TCF4: variants seen among roughly 807,000 people sequenced by gnomAD.
TCF4 encodes transcription factor 4, also known as SL3-3 enhancer factor 2.
A neutral mutation model predicts 82.1 loss-of-function variants in TCF4; 3 were observed. The observed-to-expected ratio is 0.04, with a 90% CI of 0.02 to 0.09. The LOEUF (loss-of-function observed/expected upper bound fraction) is 0.09. Ranked by LOEUF, TCF4 falls within the 10% of genes least tolerant of loss-of-function variation. The pLI is 1.00. For missense variants in TCF4, 518 were observed against 852.7 expected (o/e 0.61, Z 4.89); for synonymous variants, 276 against 309.6 (o/e 0.89, Z 1.14).
At chr18:55,286,126 AC>A (rs1203261534) in intron 8 of TCF4, among the ~76,000 whole-genome samples, 1 of 152,196 alleles carries the variant, frequency 6.6e-6, no homozygotes, top group Non-Finnish European at 1.5e-5. Context: ...AGTGTTTTTG[AC>A]AAACGAATTA....
chr18:55,460,323 C>G (rs1303041356), intron 5 of TCF4, among the ~76,000 whole-genome samples: 2 of 151,888 alleles, frequency 1.3e-5, no homozygotes, highest in Non-Finnish European at 2.9e-5. Context: ...TAGGAATCAT[C>G]TTTTCATTGC....
upstream of TCF4, among the ~76,000 whole-genome samples, chr18:55,590,296 G>T (rs1037822737): frequency 1.3e-5 from 2 of 152,182 alleles, no homozygotes; most frequent in Admixed American, 6.5e-5. Context: ...AGGCCTCTGG[G>T]CCAAGTTGGT....
chr18:55,463,948 CTGTGTGTG>C lies in TCF4; in HGVS notation c.207+120_207+127del, dbSNP rs151196106. 5,549 of 700,628 alleles carry C rather than the reference CTGTGTGTG, an allele frequency of 7.9e-3. 44 individuals are homozygous for C. Among genetic ancestry groups the C allele is most frequent in the African/African-American group, 0.042 (2,226 of 53,346 alleles). The allele number at this position is 700,628 out of a possible 1,614,324, so 43.4% of individuals were successfully genotyped here. On this transcript the variant is annotated intron_variant, in intron 4 of 19. Coordinates refer to ENST00000354452, the MANE Select transcript of TCF4 (RefSeq NM_001083962.2). Reference sequence around the variant, plus strand: ...TGTGTGCGTGTGCATGCCCATGCCTCTGTGTGTGTGTGTGTGTGTGTGTGTGTGTGAGA... The same window carrying C: ...TGTGTGCGTGTGCATGCCCATGCCTCTGTGTGTGTGTGTGTGTGTGTGAGA...
chr18:55,243,766 T>C (rs2145066162), intron 15 of TCF4, among the ~76,000 whole-genome samples: 1 of 152,182 alleles, frequency 6.6e-6, no homozygotes, highest in South Asian at 2.1e-4. Context: ...GAGGGCAGAG[T>C]GTCCCATTTA....
At chr18:55,478,454 C>T (rs1401528607) in intron 3 of TCF4, among the ~76,000 whole-genome samples, 1 of 152,170 alleles carries the variant, frequency 6.6e-6, no homozygotes, top group Admixed American at 6.5e-5. Context: ...ATTCCTTCTG[C>T]TTTACTCAAG....
chr18:55,538,665 T>C (rs573194145), intron 3 of TCF4, among the ~76,000 whole-genome samples: 4 of 152,268 alleles, frequency 2.6e-5, no homozygotes. Context: ...ACCCTAAATA[T>C]TCAATTCAAA....
chr18:55,449,206 G>GT (rs200167664), intron 5 of TCF4, among the ~76,000 whole-genome samples: 10 of 151,144 alleles, frequency 6.6e-5, no homozygotes, highest in Non-Finnish European at 8.9e-5. Context: ...ACCAGGTTGG[G>GT]TTTTTTTTTC....
At chr18:55,273,503 T>C (rs978448318) in intron 10 of TCF4, among the ~76,000 whole-genome samples, 2 of 152,174 alleles carry the variant, frequency 1.3e-5, no homozygotes, top group Non-Finnish European at 2.9e-5. Context: ...TGTCAGATTC[T>C]TCTAAGTCAC....
At chr18:55,459,070 G>A (rs2095823476) in intron 5 of TCF4, among the ~76,000 whole-genome samples, 1 of 152,160 alleles carries the variant, frequency 6.6e-6, no homozygotes, top group South Asian at 2.1e-4. Context: ...AACAGTGGGT[G>A]GGGGCCTCGT....
At chr18:55,611,942 T>C (rs78900816) in intron 2 of TCF4, among the ~76,000 whole-genome samples, 1 of 152,056 alleles carries the variant, frequency 6.6e-6, no homozygotes, top group East Asian at 1.9e-4. Flanking sequence ...CTCATTTTTT[T>C]GTATTTTTAG....
intron 3 of TCF4, among the ~76,000 whole-genome samples, chr18:55,502,787 T>C (rs2096714620): frequency 6.6e-6 from 1 of 152,218 alleles, no homozygotes; most frequent in Non-Finnish European, 1.5e-5. Flanking sequence ...AGTTAAGGAA[T>C]TAGCTAATTC....
At chr18:55,290,856 A>G (rs2064911709) in intron 8 of TCF4, among the ~76,000 whole-genome samples, 1 of 152,200 alleles carries the variant, frequency 6.6e-6, no homozygotes, top group Admixed American at 6.5e-5. Flanking sequence ...ATAAAATGAT[A>G]ATAATAATAC....
Position 55,257,382 on chromosome 18 carries a change from G to GCTGTGC in TCF4, c.1073_1078dup (p.Gly358_Thr359dup). 1 of 1,613,674 alleles carries GCTGTGC rather than the reference G, an allele frequency of 6.2e-7. No homozygotes were observed. The highest frequency in any genetic ancestry group is 1.7e-4 in the Middle Eastern group (1 of 6,058). ...CTGTCCTCCATTTCTAGACCAAACAGCTGTGCCTGCTGATATTAAAGTGGG... is the reference window on the plus strand; with the variant it reads ...CTGTCCTCCATTTCTAGACCAAACAGCTGTGCCTGTGCCTGCTGATATTAAAGTGGG... On this transcript the variant is annotated inframe_insertion, in exon 14 of 20. Transcript: ENST00000354452.
intron 3 of TCF4, among the ~76,000 whole-genome samples, chr18:55,528,462 C>A (rs1475875060): frequency 6.6e-6 from 1 of 152,150 alleles, no homozygotes; most frequent in Admixed American, 6.6e-5. Context: ...TTTAACTGAA[C>A]CTTTGTTCAT....
chr18:55,624,576 TAAA>T (rs35159003), intron 2 of TCF4, among the ~76,000 whole-genome samples: 3 of 137,150 alleles, frequency 2.2e-5, no homozygotes, highest in African/African-American at 2.7e-5. Flanking sequence ...AGACCCAGAT[TAAA>T]AAAAAAAAAA....
chr18:55,350,557 C>A, intron 7 of TCF4, 149 bp from the exon 8 acceptor site: 4 of 889,276 alleles, frequency 4.5e-6, no homozygotes, highest in Non-Finnish European at 7.2e-6. Context: ...TCGATTCTAG[C>A]AGAAATCAAA....
At chr18:55,478,750 C>G (rs915226131) in intron 3 of TCF4, among the ~76,000 whole-genome samples, 1 of 151,494 alleles carries the variant, frequency 6.6e-6, no homozygotes, top group Non-Finnish European at 1.5e-5. Context: ...TTTACTTAAG[C>G]CCTTTTCAAT....
At chr18:55,561,000 T>C (rs937105342) in intron 3 of TCF4, among the ~76,000 whole-genome samples, 3 of 152,288 alleles carry the variant, frequency 2.0e-5, no homozygotes, top group African/African-American at 4.8e-5. Context: ...TTTCATTGCA[T>C]GGCCCTAGCC....
At chr18:55,354,421 C>A (rs2082998790) in intron 6 of TCF4, among the ~76,000 whole-genome samples, 1 of 152,186 alleles carries the variant, frequency 6.6e-6, no homozygotes, top group Admixed American at 6.5e-5. Context: ...TGCCCCCATT[C>A]CTTTTCAGGG....
Sources: allele counts gnomAD v4.1 joint callset (sites outside exome capture counted in the v4.1 genomes callset), GRCh38; gene constraint gnomAD v4.1.1; transcripts MANE v1.5; gene names NCBI Gene and HGNC (gene_info 2026-07-23, HGNC 2026-07-21).